Variants in WDR72 observed in about 807,000 individuals in gnomAD.
WDR72 encodes the protein WD repeat domain 72.
In WDR72, 120 loss-of-function variants were observed where a neutral mutation model predicts 124.2. The observed-to-expected ratio is 0.97, with a 90% CI of 0.83 to 1.12. WDR72 has a LOEUF of 1.12. Among genes scored for constraint, WDR72 ranks in the 50% most tolerant of loss-of-function variants. WDR72 has a pLI of 0.00. For missense variants in WDR72, 1,387 were observed against 1,278.8 expected (o/e 1.08, Z -1.29); for synonymous variants, 452 against 441.7 (o/e 1.02, Z -0.29).
At chr15:53,705,488 A>G (rs2017325713) in intron 10 of WDR72, among the ~76,000 whole-genome samples, 1 of 151,988 alleles carries the variant, frequency 6.6e-6, no homozygotes. Flanking sequence ...TTTGAGACCA[A>G]GTCTCACTGT....
chr15:53,546,272 C>A (rs1218913890), intron 18 of WDR72, among the ~76,000 whole-genome samples: 1 of 152,030 alleles, frequency 6.6e-6, no homozygotes, highest in Non-Finnish European at 1.5e-5. Flanking sequence ...CCCAGATGTC[C>A]AACAGTGATA....
intron 1 of WDR72, among the ~76,000 whole-genome samples, chr15:53,739,052 T>A (rs1394568401): frequency 2.0e-5 from 3 of 152,172 alleles, no homozygotes. Flanking sequence ...CTTGGGGAAT[T>A]AACAGATACA....
chr15:53,688,537 C>T (rs1174904066), intron 13 of WDR72, among the ~76,000 whole-genome samples: 1 of 152,086 alleles, frequency 6.6e-6, no homozygotes, highest in African/African-American at 2.4e-5. Flanking sequence ...AGGAGAACTA[C>T]AAACCACTGC....
intron 18 of WDR72, among the ~76,000 whole-genome samples, chr15:53,550,745 G>A (rs1455988082): frequency 6.6e-6 from 1 of 152,218 alleles, no homozygotes; most frequent in East Asian, 1.9e-4. Flanking sequence ...TGAAGCAGCC[G>A]AGAGAATGAC....
At chr15:53,604,973 C>T (rs1270883639) in intron 17 of WDR72, among the ~76,000 whole-genome samples, 3 of 152,284 alleles carry the variant, frequency 2.0e-5, no homozygotes, top group Non-Finnish European at 4.4e-5. Flanking sequence ...CTCAACCCAA[C>T]AATCCCATTA....
At chr15:53,747,807 G>A (rs2018678439) in intron 1 of WDR72, among the ~76,000 whole-genome samples, 1 of 152,148 alleles carries the variant, frequency 6.6e-6, no homozygotes, top group Non-Finnish European at 1.5e-5. Flanking sequence ...AGAGAAGTAT[G>A]AGAGAACAAT....
Position 53,639,521 on chromosome 15 carries a change from T to C in WDR72, c.1963-23278A>G, listed in dbSNP as rs868499810. Among the ~76,000 whole-genome samples, 4 of 146,460 alleles carry C rather than the reference T, an allele frequency of 2.7e-5. 1 individual carries two copies. The South Asian group carries it at 8.5e-4, about 31-fold the overall frequency. The stretch of plus-strand genomic sequence containing the variant: ...ATTTATAAAATTATATATAATTTTA[T>C]TTATTTATAAAATTATATATAATTT... On this transcript the variant is annotated intron_variant, in intron 14 of 19. Transcript: ENST00000360509.
chr15:53,527,764 G>A (rs1892209604), intron 18 of WDR72, among the ~76,000 whole-genome samples: 2 of 151,888 alleles, frequency 1.3e-5, no homozygotes, highest in Non-Finnish European at 2.9e-5. Flanking sequence ...TTAATCAGGG[G>A]CACAAAAATA....
chr15:53,744,439 T>C (rs1025592796), intron 1 of WDR72, among the ~76,000 whole-genome samples: 3 of 152,200 alleles, frequency 2.0e-5, no homozygotes, highest in Non-Finnish European at 4.4e-5. Context: ...CCACTGACTG[T>C]TGCGCACTCA....
At chr15:53,549,062 G>A (rs146538625) in intron 18 of WDR72, among the ~76,000 whole-genome samples, 7 of 152,286 alleles carry the variant, frequency 4.6e-5, no homozygotes, top group East Asian at 3.9e-4. Context: ...TATGGATGAC[G>A]TTTATTTATT....
At chr15:53,564,589 T>C (rs1281862564) in intron 18 of WDR72, among the ~76,000 whole-genome samples, 2 of 151,902 alleles carry the variant, frequency 1.3e-5, no homozygotes, top group African/African-American at 2.4e-5. Flanking sequence ...AGGCCCACCT[T>C]GGACTTCAGG....
At chr15:53,751,432 C>A (rs2018770996) in intron 1 of WDR72, among the ~76,000 whole-genome samples, 1 of 152,174 alleles carries the variant, frequency 6.6e-6, no homozygotes, top group African/African-American at 2.4e-5. Flanking sequence ...CTCAGATGAT[C>A]ATTTGCACTT....
intron 1 of WDR72, among the ~76,000 whole-genome samples, chr15:53,744,681 C>T (rs2018599500): frequency 6.6e-6 from 1 of 152,202 alleles, no homozygotes; most frequent in Non-Finnish European, 1.5e-5. Flanking sequence ...TCCCTAGTCC[C>T]TGGCACACTG....
intron 18 of WDR72, among the ~76,000 whole-genome samples, chr15:53,547,086 C>T (rs1007149450): frequency 6.6e-6 from 1 of 152,212 alleles, no homozygotes; most frequent in African/African-American, 2.4e-5. Flanking sequence ...AAGCCAACAA[C>T]CTACTTAATT....
chr15:53,701,536 G>GTCTCTGTCTCTC (rs2017174514), intron 12 of WDR72, among the ~76,000 whole-genome samples: 1 of 101,504 alleles, frequency 9.9e-6, no homozygotes, highest in Non-Finnish European at 1.9e-5. Flanking sequence ...GTGAGACCCT[G>GTCTCTGTCTCTC]TCTCTCTCTC....
chr15:53,605,771 C>T (rs937414978), intron 17 of WDR72, among the ~76,000 whole-genome samples: 2 of 152,110 alleles, frequency 1.3e-5, no homozygotes, highest in African/African-American at 4.8e-5. Context: ...AGAAGCGTCG[C>T]TTGAACCTGG....
intron 11 of WDR72, among the ~76,000 whole-genome samples, chr15:53,702,780 T>G (rs1309829667): frequency 6.6e-6 from 1 of 152,156 alleles, no homozygotes; most frequent in African/African-American, 2.4e-5. Context: ...TATTAATTCT[T>G]AAGGACATTA....
intron 14 of WDR72, among the ~76,000 whole-genome samples, chr15:53,639,904 AT>A (rs1361378415): frequency 6.6e-6 from 1 of 152,168 alleles, no homozygotes; most frequent in African/African-American, 2.4e-5. Context: ...AACATGAGGT[AT>A]TTTATAGAAG....
chr15:53,651,268 C>T (rs1188349837), intron 14 of WDR72, among the ~76,000 whole-genome samples: 3 of 152,170 alleles, frequency 2.0e-5, no homozygotes, highest in African/African-American at 7.2e-5. Flanking sequence ...AATCCTACCT[C>T]CTTCTCTGAT....
Sources: allele counts gnomAD v4.1 joint callset (sites outside exome capture counted in the v4.1 genomes callset), GRCh38; gene constraint gnomAD v4.1.1; transcripts MANE v1.5; gene names NCBI Gene and HGNC (gene_info 2026-07-23, HGNC 2026-07-21).